Variants in GABRB2 observed in about 807,000 individuals in gnomAD.
GABRB2 encodes gamma-aminobutyric acid type A receptor subunit beta2.
A neutral mutation model predicts 54.7 loss-of-function variants in GABRB2; 16 were observed. The ratio of observed to expected loss-of-function variants is 0.29; its 90% CI spans 0.20 to 0.44. The LOEUF (loss-of-function observed/expected upper bound fraction) is 0.44. GABRB2 is among the 20% of genes least tolerant of loss of function. The probability of loss-of-function intolerance (pLI) is 1.00; values close to 1 mark genes in which losing one functional copy is unlikely to be tolerated. For missense variants in GABRB2, 355 were observed against 644.0 expected (o/e 0.55, Z 4.86); for synonymous variants, 244 against 233.8 (o/e 1.04, Z -0.40).
At position 161,546,347 on chromosome 5, in the gene GABRB2, G is replaced by A. The variant is rs747913347; in HGVS notation, c.144C>T (p.Asp48=). Residue 48 remains aspartate, a synonymous_variant, in exon 2 of 10, where the codon GAC becomes GAT. Transcript: ENST00000393959. ...ETVDRLLKGY[D]IRLRPDFGGP... ...CTCCAAAATCTGGTCTCAGACGAAT[G>A]TCATAGCCTTTCAGGAGTCTATCCA... 4 of 1,614,066 alleles carry A rather than the reference G, an allele frequency of 2.5e-6. No homozygotes were observed. Among genetic ancestry groups the A allele is most frequent in the African/African-American group, 1.3e-5 (1 of 74,936 alleles).
intron 4 of GABRB2, among the ~76,000 whole-genome samples, chr5:161,448,631 GT>G (rs1170016210): frequency 4.6e-5 from 7 of 152,006 alleles, no homozygotes; most frequent in African/African-American, 1.7e-4. Context: ...CTAATCTGGA[GT>G]TTTTTTGAAA....
chr5:161,335,559 T>C (rs1753968332), intron 6 of GABRB2, among the ~76,000 whole-genome samples: 1 of 152,174 alleles, frequency 6.6e-6, no homozygotes, highest in Non-Finnish European at 1.5e-5. Flanking sequence ...CAATTACCCT[T>C]TAATAAAACA....
At chr5:161,463,820 A>G (rs1004266737) in intron 3 of GABRB2, among the ~76,000 whole-genome samples, 1 of 151,428 alleles carries the variant, frequency 6.6e-6, no homozygotes, top group East Asian at 2.0e-4. Context: ...AAGACAGTAG[A>G]CTGGAGAAAG....
At chr5:161,450,569 C>A (rs1297111871) in intron 4 of GABRB2, among the ~76,000 whole-genome samples, 1 of 152,070 alleles carries the variant, frequency 6.6e-6, no homozygotes, top group African/African-American at 2.4e-5. Context: ...AACTAAATAA[C>A]TCCAGCAGTA....
chr5:161,416,033 G>A (rs889052367), intron 4 of GABRB2, among the ~76,000 whole-genome samples: 2 of 152,048 alleles, frequency 1.3e-5, no homozygotes, highest in African/African-American at 2.4e-5. Flanking sequence ...CCACTCCCCA[G>A]GTTCAAGCAA....
intron 3 of GABRB2, among the ~76,000 whole-genome samples, chr5:161,516,437 T>C (rs757175828): frequency 6.6e-6 from 1 of 152,120 alleles, no homozygotes; most frequent in Non-Finnish European, 1.5e-5. Flanking sequence ...ACCAACAATG[T>C]AATTTGCATG....
upstream of GABRB2, chr5:161,547,171 G>C (rs2113492164): frequency 7.2e-6 from 1 of 138,910 alleles, no homozygotes; most frequent in African/African-American, 2.6e-5. Flanking sequence ...TTGGCAAATA[G>C]CATGCCCTGC....
intron 9 of GABRB2, among the ~76,000 whole-genome samples, chr5:161,299,306 T>G (rs1181372917): frequency 6.6e-6 from 1 of 152,166 alleles, no homozygotes; most frequent in Admixed American, 6.5e-5. Flanking sequence ...TCAGAGCCAT[T>G]CTGACACCAT....
chr5:161,341,921 CTATT>C (rs1561614846), intron 5 of GABRB2, among the ~76,000 whole-genome samples: 1 of 116,604 alleles, frequency 8.6e-6, no homozygotes, highest in East Asian at 2.8e-4. Flanking sequence ...ATTAATGCCA[CTATT>C]TATTTTTTCT....
chr5:161,480,653 A>G (rs1758735299), intron 3 of GABRB2, among the ~76,000 whole-genome samples: 1 of 152,056 alleles, frequency 6.6e-6, no homozygotes, highest in African/African-American at 2.4e-5. Context: ...GCATTCCTTT[A>G]CTACCTTATA....
intron 3 of GABRB2, among the ~76,000 whole-genome samples, chr5:161,528,681 G>C (rs1760360194): frequency 6.6e-6 from 1 of 151,648 alleles, no homozygotes; most frequent in Admixed American, 6.6e-5. Flanking sequence ...AAGAAATACA[G>C]AACTTGGTTA....
intron 3 of GABRB2, among the ~76,000 whole-genome samples, chr5:161,463,527 T>C (rs1361919723): frequency 7.4e-6 from 1 of 135,516 alleles, no homozygotes; most frequent in African/African-American, 2.7e-5. Flanking sequence ...TTTGTAGATG[T>C]TGACAAGGTG....
chr5:161,299,520 A>T (rs1757474994), intron 9 of GABRB2, among the ~76,000 whole-genome samples: 1 of 152,140 alleles, frequency 6.6e-6, no homozygotes, highest in African/African-American at 2.4e-5. Flanking sequence ...TAAAATGAAG[A>T]GTCTGTGATC....
At chr5:161,469,759 A>G (rs1758385858) in intron 3 of GABRB2, among the ~76,000 whole-genome samples, 1 of 150,422 alleles carries the variant, frequency 6.6e-6, no homozygotes, top group Non-Finnish European at 1.5e-5. Context: ...GTCTAATAGC[A>G]CCCTCTGTAC....
chr5:161,454,930 G>A (rs1330663821), intron 4 of GABRB2, among the ~76,000 whole-genome samples: 1 of 152,136 alleles, frequency 6.6e-6, no homozygotes, highest in Non-Finnish European at 1.5e-5. Flanking sequence ...TTTTCATACT[G>A]AAAAGCAAAG....
chr5:161,494,114 G>T (rs1034537025), intron 3 of GABRB2, among the ~76,000 whole-genome samples: 1 of 151,632 alleles, frequency 6.6e-6, no homozygotes, highest in African/African-American at 2.4e-5. Context: ...TATATCTACA[G>T]TTACCATAAA....
chr5:161,475,715 C>G (rs1279250315), intron 3 of GABRB2, among the ~76,000 whole-genome samples: 1 of 151,816 alleles, frequency 6.6e-6, no homozygotes, highest in African/African-American at 2.4e-5. Flanking sequence ...AATCATATGA[C>G]CATTTCAACT....
At chr5:161,330,177 G>T (rs960342563) in intron 8 of GABRB2, 1 of 152,026 alleles carries the variant, frequency 6.6e-6, no homozygotes, top group African/African-American at 2.4e-5. Flanking sequence ...AAATAAACAG[G>T]GTTTATAGTT....
intron 5 of GABRB2, among the ~76,000 whole-genome samples, chr5:161,360,062 G>A (rs189999928): frequency 2.4e-4 from 35 of 147,160 alleles, no homozygotes; most frequent in Non-Finnish European, 1.9e-4. Context: ...CAGCCTTGGC[G>A]ACACAGCGAG....
Sources: allele counts gnomAD v4.1 joint callset (sites outside exome capture counted in the v4.1 genomes callset), GRCh38; gene constraint gnomAD v4.1.1; transcripts MANE v1.5; gene names NCBI Gene and HGNC (gene_info 2026-07-23, HGNC 2026-07-21).